Variants in SHTN1 observed in about 807,000 individuals in gnomAD.
SHTN1 encodes shootin-1.
In SHTN1, 42 loss-of-function variants were observed where a neutral mutation model predicts 83.1. The ratio of observed to expected loss-of-function variants is 0.51; its 90% CI spans 0.39 to 0.65. SHTN1 has a LOEUF of 0.65. Among genes scored for constraint, SHTN1 ranks in the 30% least tolerant of loss-of-function variants. The probability of loss-of-function intolerance (pLI) is 0.00; values close to 1 mark genes in which losing one functional copy is unlikely to be tolerated. For missense variants in SHTN1, 622 were observed against 737.8 expected (o/e 0.84, Z 1.82); for synonymous variants, 224 against 247.7 (o/e 0.90, Z 0.90).
chr10:117,040,678 A>G (rs141136942), intron 2 of SHTN1, among the ~76,000 whole-genome samples: 177 of 152,314 alleles, frequency 1.2e-3, no homozygotes, highest in African/African-American at 4.1e-3. Context: ...CTTTAGGGCA[A>G]GGGCTTTATT....
intron 1 of SHTN1, among the ~76,000 whole-genome samples, chr10:117,100,560 C>G (rs1431792984): frequency 6.6e-6 from 1 of 152,016 alleles, no homozygotes; most frequent in Non-Finnish European, 1.5e-5. Context: ...ATATTGTTAG[C>G]AAAAATCCTT....
intron 1 of SHTN1, among the ~76,000 whole-genome samples, chr10:117,004,096 A>G (rs1056737195): frequency 6.6e-6 from 1 of 152,108 alleles, no homozygotes; most frequent in East Asian, 1.9e-4. Context: ...CATGTTGGTT[A>G]GGCTGGTCTC....
At chr10:117,022,844 G>A (rs185301051) in intron 2 of SHTN1, among the ~76,000 whole-genome samples, 1 of 152,230 alleles carries the variant, frequency 6.6e-6, no homozygotes, top group Non-Finnish European at 1.5e-5. Flanking sequence ...TCACTTGAAG[G>A]GAAGGGAAGG....
At chr10:116,919,016 G>A (rs1437281953) in intron 12 of SHTN1, among the ~76,000 whole-genome samples, 1 of 152,036 alleles carries the variant, frequency 6.6e-6, no homozygotes, top group Non-Finnish European at 1.5e-5. Flanking sequence ...CCATAAGTAA[G>A]GAGTAAAAGT....
intron 1 of SHTN1, among the ~76,000 whole-genome samples, chr10:117,051,144 T>C (rs1161110813): frequency 1.3e-5 from 2 of 152,084 alleles, no homozygotes; most frequent in Non-Finnish European, 2.9e-5. Flanking sequence ...ACCAAAATAT[T>C]AGACAGCCAG....
At chr10:117,043,036 T>C (rs1852608888) in intron 2 of SHTN1, among the ~76,000 whole-genome samples, 1 of 152,172 alleles carries the variant, frequency 6.6e-6, no homozygotes. Context: ...AAGGACACCA[T>C]AAGTCTATTC....
intron 1 of SHTN1, among the ~76,000 whole-genome samples, chr10:117,071,295 G>T (rs1853078120): frequency 6.6e-6 from 1 of 151,024 alleles, no homozygotes. Flanking sequence ...AATCTCCTGT[G>T]TAACTATAAT....
chr10:116,920,288 G>A (rs913678102), intron 12 of SHTN1, among the ~76,000 whole-genome samples: 1 of 152,144 alleles, frequency 6.6e-6, no homozygotes, highest in South Asian at 2.1e-4. Flanking sequence ...TGGCCTCCTT[G>A]TTTTAAGCCT....
intron 1 of SHTN1, among the ~76,000 whole-genome samples, chr10:117,072,980 GA>G (rs1853105990): frequency 6.6e-6 from 1 of 152,000 alleles, no homozygotes; most frequent in African/African-American, 2.4e-5. Context: ...GAAGTGAAGG[GA>G]GAAAAATTTA....
At position 117,102,933 on chromosome 10, in the gene SHTN1, C is replaced by G. The variant is rs1206823765; in HGVS notation, c.-189+23374G>C. Among the ~76,000 whole-genome samples the G allele has an allele frequency of 2.6e-5, 4 of 152,274 alleles. No homozygotes were observed. In the South Asian group the frequency reaches 8.3e-4, roughly 32 times the overall value. On this transcript the variant is annotated intron_variant, in intron 1 of 17. Transcript: ENST00000392901. ...ATTATCTGATTAAAAGGCAAAGACACGAGTGCTCCACAAATCAGAACCAGG... is the reference window on the plus strand; with the variant it reads ...ATTATCTGATTAAAAGGCAAAGACAGGAGTGCTCCACAAATCAGAACCAGG...
rs556042255 is a variant in SHTN1, at chr10:116,986,822, G to T, written c.59-7514C>A. Among the ~76,000 whole-genome samples the T allele has an allele frequency of 2.4e-4, 36 of 148,268 alleles. No homozygotes were observed. In the South Asian group the frequency reaches 7.3e-3, roughly 30 times the overall value. Reference sequence around the variant, plus strand: ...CGGCTCACTGCAACTTCTGCCTTCCGGGTTCAAGCGATTCTCCTGCCTCAG... The same window carrying T: ...CGGCTCACTGCAACTTCTGCCTTCCTGGTTCAAGCGATTCTCCTGCCTCAG... On this transcript the variant is annotated intron_variant, in intron 1 of 16. Coordinates refer to ENST00000355371, the MANE Select transcript of SHTN1 (RefSeq NM_001127211.3).
At chr10:116,948,840 T>G in intron 7 of SHTN1, 76 bp downstream of exon 7, 1 of 952,282 alleles carries the variant, frequency 1.1e-6, no homozygotes, top group South Asian at 2.7e-5. Flanking sequence ...TAGGCACAGG[T>G]GTAAAATGAC....
intron 13 of SHTN1, among the ~76,000 whole-genome samples, chr10:116,913,693 A>C (rs1385041601): frequency 6.6e-6 from 1 of 152,230 alleles, no homozygotes; most frequent in Non-Finnish European, 1.5e-5. Flanking sequence ...TGTGAAAGTC[A>C]TAAAAATGGA....
intron 1 of SHTN1, among the ~76,000 whole-genome samples, chr10:117,108,117 T>G (rs999208269): frequency 7.9e-5 from 12 of 152,298 alleles, no homozygotes; most frequent in African/African-American, 2.9e-4. Flanking sequence ...CCAAGGCTAA[T>G]AAGGAGCTGT....
chr10:116,985,285 T>C (rs1851182079), intron 1 of SHTN1, among the ~76,000 whole-genome samples: 1 of 152,020 alleles, frequency 6.6e-6, no homozygotes, highest in South Asian at 2.1e-4. Context: ...AATATTAACG[T>C]CCCCATTTTA....
intron 9 of SHTN1, among the ~76,000 whole-genome samples, chr10:116,936,128 A>G (rs1849149624): frequency 2.6e-5 from 4 of 152,116 alleles, no homozygotes; most frequent in Admixed American, 2.6e-4. Context: ...TCCTGGATTT[A>G]CTGATTTTTT....
At chr10:117,005,340 C>A, upstream of SHTN1, 1 of 1,268,462 alleles carries the variant, frequency 7.9e-7, no homozygotes, top group Non-Finnish European at 1.0e-6. Context: ...GGAACGAGGG[C>A]GGGTCGGCAG....
At chr10:116,918,089 G>A (rs928099867) in intron 12 of SHTN1, among the ~76,000 whole-genome samples, 2 of 152,118 alleles carry the variant, frequency 1.3e-5, no homozygotes, top group African/African-American at 4.8e-5. Flanking sequence ...TCACACAGTT[G>A]GTAATTGTCT....
upstream of SHTN1, among the ~76,000 whole-genome samples, chr10:117,008,705 G>A (rs2133553965): frequency 6.6e-6 from 1 of 152,254 alleles, no homozygotes; most frequent in Non-Finnish European, 1.5e-5. Flanking sequence ...AGTAGGGGAG[G>A]TCTGGGAGAA....
Sources: allele counts gnomAD v4.1 joint callset (sites outside exome capture counted in the v4.1 genomes callset), GRCh38; gene constraint gnomAD v4.1.1; transcripts MANE v1.5; gene names NCBI Gene and HGNC (gene_info 2026-07-23, HGNC 2026-07-21).